ITSN1: variants seen among roughly 807,000 people sequenced by gnomAD.
The protein encoded by ITSN1 is intersectin 1.
ITSN1 carries 58 observed loss-of-function variants against 239.8 expected under a neutral mutation model. That is an observed-to-expected ratio of 0.24 (90% CI 0.20 to 0.30). ITSN1 has a LOEUF of 0.30. ITSN1 is among the 10% of genes least tolerant of loss of function. The pLI is 1.00. For missense variants in ITSN1, 1,558 were observed against 2,103.3 expected (o/e 0.74, Z 5.07); for synonymous variants, 780 against 770.8 (o/e 1.01, Z -0.20).
chr21:33,805,053 G>C (rs1286361619), intron 20 of ITSN1, among the ~76,000 whole-genome samples: 10 of 152,138 alleles, frequency 6.6e-5, no homozygotes, highest in Admixed American at 6.5e-4. Flanking sequence ...AAATAACCAT[G>C]CCAGGGCTCA....
chr21:33,707,683 G>A (rs1157119268), intron 1 of ITSN1, among the ~76,000 whole-genome samples: 1 of 152,142 alleles, frequency 6.6e-6, no homozygotes, highest in African/African-American at 2.4e-5. Context: ...CTTTCACTTA[G>A]CATAATAATT....
Position 33,774,509 on chromosome 21 carries a change from T to C in ITSN1, c.1306-220T>C, listed in dbSNP as rs1183924773. On this transcript the variant is annotated intron_variant, in intron 12 of 39. Coordinates refer to ENST00000381318, the MANE Select transcript of ITSN1 (RefSeq NM_003024.3). ...ATAATCCTGTCATCTTACGTAAATA[T>C]AGTATTATGTAAATATAATACCCAG... The C allele has an allele frequency of 1.5e-4, 59 of 403,988 alleles. No homozygotes were observed. The East Asian group carries it at 1.9e-3, about 13-fold the overall frequency. The allele number at this position is 403,988 out of a possible 1,614,324, so 25.0% of individuals were successfully genotyped here. A position where few individuals can be genotyped will look rare whatever the true frequency, so the allele number is the denominator to read the frequency against.
intron 33 of ITSN1, among the ~76,000 whole-genome samples, chr21:33,868,788 GCTC>G (rs1021794945): frequency 1.3e-5 from 2 of 152,292 alleles, no homozygotes; most frequent in South Asian, 2.1e-4. Flanking sequence ...GGGCTGAAGG[GCTC>G]CTCAAGTGCT....
intron 1 of ITSN1, among the ~76,000 whole-genome samples, chr21:33,652,263 T>TA (rs1338030664): frequency 6.6e-6 from 1 of 152,158 alleles, no homozygotes; most frequent in African/African-American, 2.4e-5. Context: ...CTGGTGTTAC[T>TA]ACACCTTATA....
intron 7 of ITSN1, among the ~76,000 whole-genome samples, chr21:33,752,864 T>C (rs1412624579): frequency 6.6e-6 from 1 of 152,112 alleles, no homozygotes; most frequent in African/African-American, 2.4e-5. Context: ...TCCTGTCTTA[T>C]GTCAATCCTC....
chr21:33,855,471 G>A (rs1349585284), intron 29 of ITSN1, among the ~76,000 whole-genome samples: 1 of 152,218 alleles, frequency 6.6e-6, no homozygotes, highest in Non-Finnish European at 1.5e-5. Flanking sequence ...ACCTACATTC[G>A]GGACACCTCT....
At chr21:33,856,918 G>A (rs1979454087) in intron 30 of ITSN1, 61 bp downstream of exon 30, 1 of 1,513,340 alleles carries the variant, frequency 6.6e-7, no homozygotes, top group East Asian at 2.3e-5. Context: ...AGAGGGGAGG[G>A]TTCCGTCAAG....
intron 1 of ITSN1, among the ~76,000 whole-genome samples, chr21:33,678,680 A>T (rs946174421): frequency 1.3e-5 from 2 of 152,182 alleles, no homozygotes; most frequent in Non-Finnish European, 2.9e-5. Context: ...TTCTAAGGAT[A>T]TGTGAGGAAG....
intron 1 of ITSN1, among the ~76,000 whole-genome samples, chr21:33,644,857 T>A (rs997742265): frequency 5.3e-5 from 8 of 151,426 alleles, no homozygotes; most frequent in African/African-American, 1.9e-4. Context: ...AGGGTCTGGC[T>A]ATGTCACAGG....
At chr21:33,798,066 CT>C (rs1229374898) in intron 18 of ITSN1, among the ~76,000 whole-genome samples, 3 of 152,108 alleles carry the variant, frequency 2.0e-5, no homozygotes, top group African/African-American at 7.2e-5. Flanking sequence ...CATAATTTGC[CT>C]TTTCTTTACT....
chr21:33,700,066 TG>T (rs1448512782), intron 1 of ITSN1, among the ~76,000 whole-genome samples: 2 of 149,346 alleles, frequency 1.3e-5, no homozygotes, highest in African/African-American at 5.1e-5. Flanking sequence ...CTGCTTGAAT[TG>T]TTTTTTTTTT....
chr21:33,844,302 G>A (rs553648564), intron 29 of ITSN1, among the ~76,000 whole-genome samples: 6 of 152,324 alleles, frequency 3.9e-5, no homozygotes, highest in East Asian at 1.9e-4. Flanking sequence ...TCACACGGTC[G>A]ACGGTGGGGA....
intron 12 of ITSN1, 52 bp from the exon 13 acceptor site, chr21:33,774,677 T>G: frequency 6.5e-7 from 1 of 1,547,478 alleles, no homozygotes; most frequent in East Asian, 2.3e-5. Flanking sequence ...GAAAAGACAT[T>G]GTGTAGTGTA....
chr21:33,747,978 A>T (rs962292764), intron 5 of ITSN1, among the ~76,000 whole-genome samples: 11 of 152,214 alleles, frequency 7.2e-5, no homozygotes, highest in Non-Finnish European at 1.5e-4. Flanking sequence ...AGTTTAAAAG[A>T]TATAAGATTG....
intron 1 of ITSN1, among the ~76,000 whole-genome samples, chr21:33,696,048 G>A (rs2091778084): frequency 1.3e-5 from 2 of 152,232 alleles, no homozygotes; most frequent in African/African-American, 2.4e-5. Flanking sequence ...AAAACTTCTA[G>A]TAGTGATAAA....
chr21:33,810,838 C>G, intron 20 of ITSN1, 137 bp from the exon 21 acceptor site: 1 of 1,001,458 alleles, frequency 1.0e-6, no homozygotes, highest in Non-Finnish European at 1.6e-6. Context: ...TTCCCAGACA[C>G]TTGGACTAAG....
chr21:33,786,699 A>G (rs2070705575), intron 16 of ITSN1, among the ~76,000 whole-genome samples: 1 of 152,236 alleles, frequency 6.6e-6, no homozygotes, highest in African/African-American at 2.4e-5. Flanking sequence ...GGAGAATCCA[A>G]CACCCAACGG....
intron 20 of ITSN1, among the ~76,000 whole-genome samples, chr21:33,804,075 A>G (rs1474421512): frequency 6.6e-6 from 1 of 152,200 alleles, no homozygotes; most frequent in African/African-American, 2.4e-5. Context: ...GACATGTAGT[A>G]CAACATTACT....
chr21:33,710,545 C>G (rs1017139917), intron 1 of ITSN1, among the ~76,000 whole-genome samples: 2 of 151,750 alleles, frequency 1.3e-5, no homozygotes, highest in Admixed American at 6.6e-5. Flanking sequence ...ATTTTAGTAT[C>G]CTTTTTATAT....
Sources: allele counts gnomAD v4.1 joint callset (sites outside exome capture counted in the v4.1 genomes callset), GRCh38; gene constraint gnomAD v4.1.1; transcripts MANE v1.5; gene names NCBI Gene and HGNC (gene_info 2026-07-23, HGNC 2026-07-21).